The following ERC2 variants were observed in gnomAD, a reference collection of about 807,000 sequenced individuals.
The protein encoded by ERC2 is ERC protein 2.
A neutral mutation model predicts 114.8 loss-of-function variants in ERC2; 42 were observed. The ratio of observed to expected loss-of-function variants is 0.37; its 90% CI spans 0.29 to 0.47. ERC2 has a LOEUF of 0.47. ERC2 is among the 20% of genes least tolerant of loss of function. ERC2 has a pLI of 0.99. For missense variants in ERC2, 939 were observed against 1,150.7 expected, an observed-to-expected ratio of 0.82 and a Z score of 2.66; for synonymous variants, 454 against 425.5, an observed-to-expected ratio of 1.07 and a Z score of -0.82.
chr3:56,147,106 TTA>T (rs1333084127), intron 5 of ERC2, among the ~76,000 whole-genome samples: 1 of 152,190 alleles, frequency 6.6e-6, no homozygotes, highest in African/African-American at 2.4e-5. Context: ...AGGGAAAAGT[TTA>T]AGCCAAAACA....
intron 17 of ERC2, among the ~76,000 whole-genome samples, chr3:55,530,142 C>A (rs190767991): frequency 6.6e-6 from 1 of 152,216 alleles, no homozygotes; most frequent in Admixed American, 6.5e-5. Flanking sequence ...CAATGCTGAG[C>A]TGCCTCTGCC....
At chr3:56,423,516 T>C (rs2061459251) in intron 2 of ERC2, among the ~76,000 whole-genome samples, 1 of 152,220 alleles carries the variant, frequency 6.6e-6, no homozygotes, top group Admixed American at 6.5e-5. Flanking sequence ...AGTTGAGAAC[T>C]ACCAAGTTAA....
At chr3:56,285,932 G>A (rs1488679459) in intron 3 of ERC2, among the ~76,000 whole-genome samples, 1 of 152,176 alleles carries the variant, frequency 6.6e-6, no homozygotes, top group Non-Finnish European at 1.5e-5. Flanking sequence ...TTCTTTTGGA[G>A]TTTGAATGGC....
intron 14 of ERC2, among the ~76,000 whole-genome samples, chr3:55,789,178 G>A (rs557490868): frequency 9.9e-5 from 15 of 152,204 alleles, no homozygotes; most frequent in African/African-American, 3.4e-4. Context: ...GATGTCCCCC[G>A]CCAATTTTAT....
chr3:56,323,856 C>T (rs1406831197), intron 2 of ERC2, among the ~76,000 whole-genome samples: 1 of 152,142 alleles, frequency 6.6e-6, no homozygotes, highest in Non-Finnish European at 1.5e-5. Context: ...TACCAGGGTT[C>T]ACATGTCACC....
At chr3:55,846,693 T>TCTTTCTCTCTCTC (rs1553702627) in intron 14 of ERC2, among the ~76,000 whole-genome samples, 1 of 142,820 alleles carries the variant, frequency 7.0e-6, no homozygotes, top group African/African-American at 2.6e-5. Flanking sequence ...CTCTCTCTCT[T>TCTTTCTCTCTCTC]TCTCTCTCTC....
intron 3 of ERC2, among the ~76,000 whole-genome samples, chr3:56,207,116 C>G (rs969673212): frequency 1.3e-5 from 2 of 151,678 alleles, no homozygotes; most frequent in African/African-American, 4.9e-5. Context: ...TTTAGAGACT[C>G]TAATATGTTT....
chr3:56,315,253 G>T (rs949751403), intron 2 of ERC2, among the ~76,000 whole-genome samples: 5 of 152,116 alleles, frequency 3.3e-5, no homozygotes, highest in Admixed American at 2.6e-4. Context: ...AGGGTTTAGA[G>T]AAATTTTTTT....
chr3:56,304,064 C>T (rs1040335396), intron 2 of ERC2, among the ~76,000 whole-genome samples: 2 of 151,974 alleles, frequency 1.3e-5, no homozygotes, highest in African/African-American at 4.8e-5. Context: ...GAAGAATCAG[C>T]ATGGAAAAGT....
At chr3:56,343,191 C>CACACACACA in intron 2 of ERC2, among the ~76,000 whole-genome samples, 2 of 31,328 alleles carry the variant, frequency 6.4e-5, no homozygotes, top group Non-Finnish European at 1.5e-4. Flanking sequence ...CTCTCTCTCT[C>CACACACACA]TCACACACAC....
intron 6 of ERC2, among the ~76,000 whole-genome samples, chr3:56,110,742 T>C (rs538047353): frequency 2.6e-5 from 4 of 152,184 alleles, no homozygotes; most frequent in African/African-American, 4.8e-5. Flanking sequence ...GACAGGTAAA[T>C]ATTTTTCAAA....
chr3:55,618,769 T>C (rs1029549079), intron 17 of ERC2, among the ~76,000 whole-genome samples: 4 of 152,238 alleles, frequency 2.6e-5, no homozygotes, highest in African/African-American at 7.2e-5. Context: ...AAAAATGCAT[T>C]GCCTTTAGAA....
At chr3:55,933,453 C>T (rs553546074) in intron 13 of ERC2, among the ~76,000 whole-genome samples, 1 of 152,308 alleles carries the variant, frequency 6.6e-6, no homozygotes, top group South Asian at 2.1e-4. Flanking sequence ...ATAACGATAC[C>T]TGTATGCACT....
chr3:56,348,893 AAGGAAGGAAGGAAAGAAG>A (rs1560642179), intron 2 of ERC2, among the ~76,000 whole-genome samples: 6,526 of 42,750 alleles, frequency 0.15, 229 homozygotes, highest in Non-Finnish European at 0.26. Flanking sequence ...GGAAGGAAGG[AAGGAAGGAAGGAAAGAAG>A]GAAGGAAGGA....
intron 17 of ERC2, among the ~76,000 whole-genome samples, chr3:55,683,022 T>C (rs815456): frequency 0.94 from 143,658 of 152,242 alleles, 67,817 homozygotes; most frequent in East Asian, 1. Context: ...GCAGACAGGA[T>C]GTAAATAAAG....
At chr3:56,032,913 A>AAGAAAGAAAGAGAGAGAGAGAGACAGAC (rs2074478047) in intron 7 of ERC2, among the ~76,000 whole-genome samples, 1 of 68,638 alleles carries the variant, frequency 1.5e-5, no homozygotes, top group Non-Finnish European at 3.3e-5. Flanking sequence ...GAAAGAAAGA[A>AAGAAAGAAAGAGAGAGAGAGAGACAGAC]AGAAAGAAAG....
chr3:55,767,173 CT>C (rs2067856896), intron 14 of ERC2, among the ~76,000 whole-genome samples: 2 of 152,214 alleles, frequency 1.3e-5, no homozygotes, highest in African/African-American at 4.8e-5. Flanking sequence ...TGCTAATTCA[CT>C]AGTCATGCAG....
At chr3:56,138,244 T>C (rs1322253614) in intron 6 of ERC2, among the ~76,000 whole-genome samples, 12 of 152,038 alleles carry the variant, frequency 7.9e-5, no homozygotes, top group Admixed American at 4.6e-4. Context: ...TATTTTTTAG[T>C]AGAGACTGGG....
chr3:55,985,957 G>GA lies in ERC2; in HGVS notation c.2267+19dup. The GA allele has an allele frequency of 1.3e-6, 2 of 1,538,716 alleles. No homozygotes were observed. Among genetic ancestry groups the GA allele is most frequent in the Non-Finnish European group, 1.7e-6 (2 of 1,147,418 alleles). On this transcript the variant is annotated intron_variant, in intron 12 of 17. Transcript: ENST00000288221. ...GCTTAGGAGGGAAAGGCAGTTAGAA[G>GA]AAAAACTGAAATTACTGACCTGAGA...
Sources: gnomAD v4.1 joint callset for allele counts (sites outside exome capture counted in the v4.1 genomes callset) on GRCh38, gnomAD v4.1.1 for gene constraint, MANE v1.5 for transcripts, NCBI Gene and HGNC (gene_info 2026-07-23, HGNC 2026-07-21) for gene names.